Variants in SP9 observed in about 807,000 individuals in gnomAD.
SP9 encodes the protein Sp9 transcription factor.
Under a neutral mutation model 23.0 loss-of-function variants are expected in SP9, and 5 were observed. That is an observed-to-expected ratio of 0.22 (90% CI 0.11 to 0.46). The LOEUF (loss-of-function observed/expected upper bound fraction) is 0.46. SP9 is among the 20% of genes least tolerant of loss of function. The pLI is 0.99. For synonymous variants in SP9, 360 were observed against 356.5 expected, an observed-to-expected ratio of 1.01 and a Z score of -0.11; for missense variants, 542 against 724.0, an observed-to-expected ratio of 0.75 and a Z score of 2.88.
rs959363508 is a variant in SP9 at position 174,336,095 on chromosome 2, C to T, written c.22-12C>T. On this transcript the variant is annotated splice_polypyrimidine_tract_variant and intron_variant, in intron 1 of 1. Coordinates refer to ENST00000394967, the MANE Select transcript of SP9 (RefSeq NM_001145250.2). ...CTCCTTCTTGCTCCCTCCCCCATCC[C>T]ACCCACTCTAGGAAGAGCCGCGCTT... 1.9e-6 allele frequency: 3 copies of T among 1,548,144 alleles called. No individual in the cohort carries two copies. The highest frequency in any genetic ancestry group is 2.8e-5 in the African/African-American group (2 of 72,318).
At position 174,337,237 on chromosome 2, in the gene SP9, G is replaced by T; in HGVS notation, c.1152G>T (p.Arg384=). 6.3e-7 allele frequency: 1 copy of T among 1,583,048 alleles called. No homozygotes were observed. Among genetic ancestry groups the T allele is most frequent in the Non-Finnish European group, 8.6e-7 (1 of 1,165,080 alleles). ...CGGACGAGCTGCAGCGGCATCTGCG[G>T]ACTCACACGGGCGAGAAGCGCTTCG... The part of the protein sequence containing the change: ...TRSDELQRHL[R]THTGEKRFAC... The change falls in exon 2 of 2, where the codon CGG becomes CGT. Residue 384 remains arginine, a synonymous_variant. Transcript: ENST00000394967.
In SP9 at chr2:174,336,646, G is replaced by C; in HGVS notation, c.561G>C (p.Pro187=). Residue 187 remains proline (P), a synonymous_variant, in exon 2 of 2, where the codon CCG becomes CCC. Transcript: ENST00000394967. ...ASSWWDVHSS[P]GSWLEVQNPA... is the part of the protein sequence containing the mutation. ...CGTGGTGGGACGTGCACAGCAGCCC[G>C]GGCTCGTGGCTGGAAGTGCAGAACC... 2 of 1,495,590 alleles carry C rather than the reference G, an allele frequency of 1.3e-6. No individual in the cohort carries two copies. Among genetic ancestry groups the C allele is most frequent in the Non-Finnish European group, 1.8e-6 (2 of 1,127,520 alleles). The allele number at this position is 1,495,590 out of a possible 1,614,324, so 92.6% of individuals were successfully genotyped here.
At chr2:174,336,045 T>C (rs1684404889) in intron 1 of SP9, 62 bp from the exon 2 acceptor site, 2 of 1,494,604 alleles carry the variant, frequency 1.3e-6, no homozygotes, top group Admixed American at 4.0e-5. Flanking sequence ...GCACTTTGTT[T>C]CTTCCCCCAC....
rs1351193890 is a variant in SP9 at position 174,338,473 on chromosome 2, TG to T, written c.*935del. On this transcript the variant is annotated 3_prime_UTR_variant, in exon 2 of 2. Transcript: ENST00000394967. ...AAATCTTGACATCATATTTTCATTTTGGTATTATTAAAGGACTCTGAACAAT... is the reference window on the plus strand; with the variant it reads ...AAATCTTGACATCATATTTTCATTTTGTATTATTAAAGGACTCTGAACAAT... 2 of 152,242 alleles carry T rather than the reference TG, an allele frequency of 1.3e-5. No individual in the cohort carries two copies. Among genetic ancestry groups the T allele is most frequent in the Non-Finnish European group, 2.9e-5 (2 of 68,040 alleles). The allele number at this position is 152,242 out of a possible 1,614,324, so 9.4% of individuals were successfully genotyped here. A position where few individuals can be genotyped will look rare whatever the true frequency, so the allele number is the denominator to read the frequency against.
Position 174,337,535 on chromosome 2 carries a change from T to TCTTAGAGGC in SP9, c.1452_*5dup. 4 of 1,160,862 alleles carry TCTTAGAGGC rather than the reference T, an allele frequency of 3.4e-6. No individual in the cohort carries two copies. The highest frequency in any genetic ancestry group is 4.3e-6 in the Non-Finnish European group (4 of 940,898). The allele number at this position is 1,160,862 out of a possible 1,614,324, so 71.9% of individuals were successfully genotyped here. On this transcript the variant is annotated stop_gained and inframe_insertion, in exon 2 of 2. Transcript: ENST00000394967. LOFTEE classifies it high-confidence loss of function. ...GGAAGCAGCGTCTGGCCCCAACGACTCTTAGAGGCCGGGCGAGAGGCGCGA... is the reference window on the plus strand; with the variant it reads ...GGAAGCAGCGTCTGGCCCCAACGACTCTTAGAGGCCTTAGAGGCCGGGCGAGAGGCGCGA...
chr2:174,335,055 C>T lies in SP9; in HGVS notation c.-38C>T, dbSNP rs566016439. 63 of 1,550,564 alleles carry T rather than the reference C, an allele frequency of 4.1e-5. No individual in the cohort carries two copies. In the African/African-American group the frequency reaches 5.9e-4, roughly 14 times the overall value. On this transcript the variant is annotated 5_prime_UTR_variant, in exon 1 of 2. Transcript: ENST00000394967. ...TTTTCCGAGCAGCCGCCAGGCTCAG[C>T]CCCGCTCCCAGCCTCGCTGCGCAGC...
At position 174,337,869 on chromosome 2, in the gene SP9, T is replaced by TCG; in HGVS notation, c.*337_*338dup. On this transcript the variant is annotated 3_prime_UTR_variant, in exon 2 of 2. Coordinates refer to ENST00000394967, the MANE Select transcript of SP9 (RefSeq NM_001145250.2). ...GACCTACAACCACAAGCACGCACACTCGCGCGCGCACACACATACCACTCG... is the reference window on the plus strand; with the variant it reads ...GACCTACAACCACAAGCACGCACACTCGCGCGCGCGCACACACATACCACTCG... The TCG allele has an allele frequency of 6.3e-6, 1 of 158,364 alleles. No individual in the cohort carries two copies. The highest frequency in any genetic ancestry group is 2.0e-4 in the South Asian group (1 of 4,884). 9.8% of individuals were successfully genotyped at this position (158,364 alleles called of 1,614,324 possible). A position where few individuals can be genotyped will look rare whatever the true frequency, so the allele number is the denominator to read the frequency against.
In SP9 at chr2:174,335,144, T is replaced by C; in HGVS notation, c.21+31T>C. 4 of 1,551,648 alleles carry C rather than the reference T, an allele frequency of 2.6e-6. No individual in the cohort carries two copies. The African/African-American group carries it at 5.5e-5, about 21-fold the overall frequency. On this transcript the variant is annotated intron_variant, in intron 1 of 1. Transcript: ENST00000394967. ...TCGCAAGCGCGGCAACGCATTTGCT[T>C]GTTTTAACCGGAGTAATTTTTCGTT... is the stretch of plus-strand genomic sequence containing the variant.
rs915054273 is a variant in SP9 at position 174,337,751 on chromosome 2, A to G, written c.*211A>G. On this transcript the variant is annotated 3_prime_UTR_variant, in exon 2 of 2. Coordinates refer to ENST00000394967, the MANE Select transcript of SP9 (RefSeq NM_001145250.2). The stretch of plus-strand genomic sequence containing the variant: ...TCCCCTCTGCCTTCCGCGCCCGGAT[A>G]AGAATCGAACGCGTGGTCCGGAAAC... 3 of 457,346 alleles carry G rather than the reference A, an allele frequency of 6.6e-6. No individual in the cohort carries two copies. Among genetic ancestry groups the G allele is most frequent in the Admixed American group, 5.9e-5 (1 of 16,944 alleles). The allele number at this position is 457,346 out of a possible 1,614,324, so 28.3% of individuals were successfully genotyped here.
rs1275950284 is a variant in SP9, at chr2:174,336,148, G to A, written c.63G>A (p.Ala21=). ...GAACGACCCCGTTGGCCATGCTGGCGGCGACCTGCAACAAGATCGGCAACA... is the reference window on the plus strand; with the variant it reads ...GAACGACCCCGTTGGCCATGCTGGCAGCGACCTGCAACAAGATCGGCAACA... ...RFGTTPLAML[A]ATCNKIGNTS... is the part of the protein sequence containing the mutation. Residue 21 remains alanine, a synonymous_variant, in exon 2 of 2, where the codon GCG becomes GCA. Transcript: ENST00000394967. 9.0e-6 allele frequency: 14 copies of A among 1,550,966 alleles called. No individual in the cohort carries two copies.
intron 1 of SP9, 52 bp from the exon 2 acceptor site, chr2:174,336,055 C>G: frequency 6.6e-7 from 1 of 1,520,964 alleles, no homozygotes; most frequent in Non-Finnish European, 8.9e-7. Context: ...TCTTCCCCCA[C>G]TTCCTCTTGC....
rs1051733284 is a variant in SP9, at chr2:174,336,243, C to T, written c.158C>T (p.Ser53Phe). 1 of 1,547,046 alleles carries T rather than the reference C, an allele frequency of 6.5e-7. No individual in the cohort carries two copies. The highest frequency in any genetic ancestry group is 1.4e-5 in the African/African-American group (1 of 72,454). Residue 53 changes from serine to phenylalanine, a missense_variant, in exon 2 of 2, where the codon TCC becomes TTC. Ser to Phe is a radical substitution (Grantham distance 155, BLOSUM62 -2). This residue lies in a region of SP9 where 201 missense variants were observed against 226.3 expected (regional missense o/e 0.89). Coordinates refer to ENST00000394967, the MANE Select transcript of SP9 (RefSeq NM_001145250.2). ...GGCGGCTTTCACCCCTGGAAGCGCT[C>T]CTCGTCCAGCTGCAACCTCGGCTCC... ...AKGGFHPWKR[S>F]SSSCNLGSSL...
chr2:174,336,362 TCCACGTCGC>T lies in SP9; in HGVS notation c.286_294del (p.Pro96_Ser98del). 1 of 1,497,498 alleles carries T rather than the reference TCCACGTCGC, an allele frequency of 6.7e-7. No homozygotes were observed. Among genetic ancestry groups the T allele is most frequent in the Non-Finnish European group, 8.8e-7 (1 of 1,131,408 alleles). The allele number at this position is 1,497,498 out of a possible 1,614,324, so 92.8% of individuals were successfully genotyped here. Reference sequence around the variant, plus strand: ...CGCCAACAGCGCCTTCTGCCTGGCCTCCACGTCGCCCACGTCGTCCGCCTTCAGCAGCGA... The same window carrying T: ...CGCCAACAGCGCCTTCTGCCTGGCCTCCACGTCGTCCGCCTTCAGCAGCGA... On this transcript the variant is annotated inframe_deletion, in exon 2 of 2. Coordinates refer to ENST00000394967, the MANE Select transcript of SP9 (RefSeq NM_001145250.2).
In SP9 at chr2:174,336,539, G is replaced by A. The variant is rs536931200; in HGVS notation, c.454G>A (p.Ala152Thr). The A allele has an allele frequency of 3.5e-6, 5 of 1,437,788 alleles. No individual in the cohort carries two copies. In the South Asian group the frequency reaches 4.3e-5, roughly 12 times the overall value. 89.1% of individuals were successfully genotyped at this position (1,437,788 alleles called of 1,614,324 possible). ...CGGGCTGTACCCGCGCGTGGGCATG[G>A]CGCACCCGTACGAGTCCTGGTACAA... ...ADGLYPRVGM[A>T]HPYESWYKSG... Residue 152 changes from alanine to threonine, a missense_variant, in exon 2 of 2, where the codon GCG (alanine) becomes ACG (threonine). Ala to Thr is a moderately conservative substitution (Grantham distance 58). Around this residue, in one of 8 missense-constraint regions of SP9, gnomAD observed 201 missense variants for 226.3 expected, o/e 0.89. Coordinates refer to ENST00000394967, the MANE Select transcript of SP9 (RefSeq NM_001145250.2).
Position 174,334,993 on chromosome 2 carries a change from G to C in SP9, c.-100G>C. Reference sequence around the variant, plus strand: ...GGAGCCTGGAGTCCGCTCGGCACGAGCGCGGGGACGCGGGAGCCGCGCGGG... The same window carrying C: ...GGAGCCTGGAGTCCGCTCGGCACGACCGCGGGGACGCGGGAGCCGCGCGGG... On this transcript the variant is annotated 5_prime_UTR_variant, in exon 1 of 2. Coordinates refer to ENST00000394967, the MANE Select transcript of SP9 (RefSeq NM_001145250.2). The C allele has an allele frequency of 7.1e-7, 1 of 1,399,928 alleles. No individual in the cohort carries two copies. Among genetic ancestry groups the C allele is most frequent in the South Asian group, 1.2e-5 (1 of 80,594 alleles). The allele number at this position is 1,399,928 out of a possible 1,614,324, so 86.7% of individuals were successfully genotyped here.
chr2:174,337,432 C>A lies in SP9; in HGVS notation c.1347C>A (p.Gly449=), dbSNP rs1247734467. The change falls in exon 2 of 2, where the codon GGC becomes GGA. Residue 449 remains glycine, a synonymous_variant. Transcript: ENST00000394967. ...ESPDLILHDS[G]VSAARAAAAA... ...CCGACCTCATCCTGCATGACTCCGGCGTCAGTGCCGCCCGGGCGGCGGCAG... is the reference window on the plus strand; with the variant it reads ...CCGACCTCATCCTGCATGACTCCGGAGTCAGTGCCGCCCGGGCGGCGGCAG... 1.4e-6 allele frequency: 2 copies of A among 1,432,880 alleles called. No individual in the cohort carries two copies. The highest frequency in any genetic ancestry group is 1.8e-6 in the Non-Finnish European group (2 of 1,083,648). The allele number at this position is 1,432,880 out of a possible 1,614,324, so 88.8% of individuals were successfully genotyped here.
At position 174,336,495 on chromosome 2, in the gene SP9, T is replaced by G. The variant is rs1218483298; in HGVS notation, c.410T>G (p.Val137Gly). 6.8e-7 allele frequency: 1 copy of G among 1,476,766 alleles called. No individual in the cohort carries two copies. Among genetic ancestry groups the G allele is most frequent in the Non-Finnish European group, 8.9e-7 (1 of 1,118,004 alleles). The allele number at this position is 1,476,766 out of a possible 1,614,324, so 91.5% of individuals were successfully genotyped here. ...GGCCAGTCGGCCTTCATTTCCAAGG[T>G]GCACACGACGGCAGCCGACGGGCTG... ...AGGQSAFISKVHTTAADGLYP... is the reference protein window; with the variant it reads ...AGGQSAFISKGHTTAADGLYP... Residue 137 changes from valine to glycine, a missense_variant, in exon 2 of 2, where the codon GTG becomes GGG. By Grantham distance (109) the Val-to-Gly change is moderately radical. Transcript: ENST00000394967.
intron 1 of SP9, 170 bp from the exon 2 acceptor site, chr2:174,335,937 G>C (rs772204224): frequency 3.2e-6 from 2 of 622,656 alleles, no homozygotes; most frequent in African/African-American, 3.9e-5. Flanking sequence ...CTCCGCGCCC[G>C]GTGCGGCGAC....
rs1391189845 is a variant in SP9 at position 174,337,449 on chromosome 2, C to G, written c.1364C>G (p.Ala455Gly). Reference protein sequence around the residue: ...LHDSGVSAARAAAAAAAAAAA... With the variant: ...LHDSGVSAARGAAAAAAAAAA... The stretch of plus-strand genomic sequence containing the variant: ...GACTCCGGCGTCAGTGCCGCCCGGG[C>G]GGCGGCAGCGGCGGCGGCGGCAGCG... The change falls in exon 2 of 2, where the codon GCG becomes GGG. Residue 455 changes from alanine (A) to glycine (G), a missense_variant. Ala to Gly is a moderately conservative substitution (Grantham distance 60, BLOSUM62 0). Around this residue, in one of 8 missense-constraint regions of SP9, gnomAD observed 55 missense variants for 56.1 expected, o/e 0.98. Coordinates refer to ENST00000394967, the MANE Select transcript of SP9 (RefSeq NM_001145250.2). 1 of 1,247,176 alleles carries G rather than the reference C, an allele frequency of 8.0e-7. No homozygotes were observed. The highest frequency in any genetic ancestry group is 1.6e-5 in the African/African-American group (1 of 62,766). 77.3% of individuals were successfully genotyped at this position (1,247,176 alleles called of 1,614,324 possible).
Sources: gnomAD v4.1 joint callset for allele counts on GRCh38, gnomAD v4.1.1 for gene constraint, gnomAD v4.1.1 regional missense constraint, MANE v1.5 for transcripts, NCBI Gene and HGNC (gene_info 2026-07-23, HGNC 2026-07-21) for gene names.